The following ITGBL1 variants were observed in gnomAD, a reference collection of about 807,000 sequenced individuals.
ITGBL1 encodes integrin subunit beta like 1, also known as integrin beta-like protein 1.
Under a neutral mutation model 68.5 loss-of-function variants are expected in ITGBL1, and 51 were observed. That is an observed-to-expected ratio of 0.74 (90% CI 0.59 to 0.94). ITGBL1 has a LOEUF of 0.94. ITGBL1 is among the 40% of genes least tolerant of loss of function. The probability of loss-of-function intolerance (pLI) is 0.00; values close to 1 mark genes in which losing one functional copy is unlikely to be tolerated. For missense variants in ITGBL1, 649 were observed against 647.4 expected (o/e 1.00, Z -0.03); for synonymous variants, 209 against 227.3 (o/e 0.92, Z 0.72).
At chr13:101,518,946 A>G (rs959965085) in intron 2 of ITGBL1, among the ~76,000 whole-genome samples, 4 of 152,146 alleles carry the variant, frequency 2.6e-5, no homozygotes, top group Non-Finnish European at 5.9e-5. Flanking sequence ...CTATGTTTTT[A>G]GCTATTATAC....
intron 7 of ITGBL1, among the ~76,000 whole-genome samples, chr13:101,610,790 G>A (rs1196152077): frequency 6.6e-6 from 1 of 152,094 alleles, no homozygotes; most frequent in African/African-American, 2.4e-5. Context: ...TGTGATAATT[G>A]TGACAAATAT....
At chr13:101,714,670 T>C in intron 10 of ITGBL1, 119 bp downstream of exon 10, 1 of 679,296 alleles carries the variant, frequency 1.5e-6, no homozygotes, top group Non-Finnish European at 2.7e-6. Context: ...ATATGAAATA[T>C]CTACCAAAGG....
At chr13:101,583,937 T>C (rs769069150) in intron 6 of ITGBL1, among the ~76,000 whole-genome samples, 6 of 152,196 alleles carry the variant, frequency 3.9e-5, no homozygotes, top group Non-Finnish European at 5.9e-5. Context: ...TCAGTTCAAC[T>C]CTGAGACTAC....
At chr13:101,603,765 G>A (rs2030533018) in intron 7 of ITGBL1, among the ~76,000 whole-genome samples, 1 of 151,708 alleles carries the variant, frequency 6.6e-6, no homozygotes, top group African/African-American at 2.4e-5. Flanking sequence ...TAAAAACCTT[G>A]GGAAGTAAAG....
At chr13:101,684,926 A>G (rs2033721932) in intron 7 of ITGBL1, among the ~76,000 whole-genome samples, 1 of 151,856 alleles carries the variant, frequency 6.6e-6, no homozygotes, top group East Asian at 1.9e-4. Context: ...AGGACATTTT[A>G]TTTGGTTGAA....
intron 6 of ITGBL1, among the ~76,000 whole-genome samples, chr13:101,590,944 C>T (rs1264810746): frequency 6.6e-6 from 1 of 151,926 alleles, no homozygotes. Context: ...CCCTGTGTCA[C>T]ACAGGCTGGC....
intron 2 of ITGBL1, among the ~76,000 whole-genome samples, chr13:101,454,687 A>G (rs2048217608): frequency 6.6e-6 from 1 of 152,182 alleles, no homozygotes; most frequent in Non-Finnish European, 1.5e-5. Flanking sequence ...GGAATGTATT[A>G]TTTTCCTCCA....
intron 7 of ITGBL1, among the ~76,000 whole-genome samples, chr13:101,663,536 C>A (rs181562259): frequency 9.9e-5 from 15 of 152,264 alleles, no homozygotes; most frequent in Admixed American, 5.9e-4. Context: ...CAGGCCTGGG[C>A]ATATTCCAGT....
chr13:101,457,743 G>A (rs2048264126), intron 2 of ITGBL1, among the ~76,000 whole-genome samples: 1 of 152,102 alleles, frequency 6.6e-6, no homozygotes, highest in Admixed American at 6.6e-5. Context: ...TTGAACCCAG[G>A]AGGCAGAGGT....
At chr13:101,642,280 T>C (rs1213905207) in intron 7 of ITGBL1, among the ~76,000 whole-genome samples, 10 of 152,196 alleles carry the variant, frequency 6.6e-5, no homozygotes, top group African/African-American at 2.2e-4. Context: ...TGGTATCTCA[T>C]TGTGGTTTTG....
At chr13:101,624,353 T>C (rs1379457383) in intron 7 of ITGBL1, among the ~76,000 whole-genome samples, 2 of 152,198 alleles carry the variant, frequency 1.3e-5, no homozygotes, top group East Asian at 3.9e-4. Flanking sequence ...TAAACATTTA[T>C]GTTTTATGCC....
intron 10 of ITGBL1, 126 bp from the exon 11 acceptor site, chr13:101,715,437 A>C (rs1248620706): frequency 1.4e-6 from 1 of 737,688 alleles, no homozygotes; most frequent in East Asian, 2.5e-5. Flanking sequence ...ACATCATTGC[A>C]CAATAAGAAA....
At chr13:101,622,814 C>G (rs2031634024) in intron 7 of ITGBL1, among the ~76,000 whole-genome samples, 1 of 152,024 alleles carries the variant, frequency 6.6e-6, no homozygotes, top group Admixed American at 6.6e-5. Flanking sequence ...TACGAGGCCT[C>G]TAGCCTAGTA....
At chr13:101,685,563 T>C (rs2033735842) in intron 7 of ITGBL1, among the ~76,000 whole-genome samples, 1 of 152,082 alleles carries the variant, frequency 6.6e-6, no homozygotes, top group South Asian at 2.1e-4. Flanking sequence ...ACATCTCCCA[T>C]CTCTAACTTA....
chr13:101,596,901 CAG>C (rs781418765), intron 6 of ITGBL1, among the ~76,000 whole-genome samples: 54 of 152,166 alleles, frequency 3.5e-4, no homozygotes, highest in Non-Finnish European at 5.0e-4. Context: ...ATCAGGTTGT[CAG>C]GGATTGGGGA....
intron 6 of ITGBL1, among the ~76,000 whole-genome samples, chr13:101,586,503 T>C (rs2050560245): frequency 6.6e-6 from 1 of 152,196 alleles, no homozygotes; most frequent in Non-Finnish European, 1.5e-5. Flanking sequence ...CATTCCATTT[T>C]ATGTACACAC....
chr13:101,558,951 A>T (rs1307151568), intron 2 of ITGBL1, among the ~76,000 whole-genome samples: 1 of 151,966 alleles, frequency 6.6e-6, no homozygotes, highest in Non-Finnish European at 1.5e-5. Context: ...CATGAATTTG[A>T]TACATGAATA....
intron 7 of ITGBL1, among the ~76,000 whole-genome samples, chr13:101,625,332 A>G (rs1298056137): frequency 6.6e-6 from 1 of 152,210 alleles, no homozygotes; most frequent in Non-Finnish European, 1.5e-5. Context: ...TTCTAAATTC[A>G]TTATATTCCT....
At chr13:101,615,062 C>G (rs116843218) in intron 7 of ITGBL1, among the ~76,000 whole-genome samples, 6 of 152,058 alleles carry the variant, frequency 3.9e-5, no homozygotes, top group African/African-American at 1.4e-4. Context: ...TGAAAAATGT[C>G]AGGATCCCTC....
Sources: gnomAD v4.1 joint callset for allele counts (sites outside exome capture counted in the v4.1 genomes callset) on GRCh38, gnomAD v4.1.1 for gene constraint, MANE v1.5 for transcripts, NCBI Gene and HGNC (gene_info 2026-07-23, HGNC 2026-07-21) for gene names.